PDS5B: variants seen among roughly 807,000 people sequenced by gnomAD.
PDS5B encodes the protein PDS5 cohesin associated factor B.
Under a neutral mutation model 184.1 loss-of-function variants are expected in PDS5B, and 51 were observed. That is an observed-to-expected ratio of 0.28 (90% CI 0.22 to 0.35). The LOEUF (loss-of-function observed/expected upper bound fraction) is 0.35, where lower values mean the gene tolerates loss of function less well. Among genes scored for constraint, PDS5B ranks in the 10% least tolerant of loss-of-function variants. The probability of loss-of-function intolerance (pLI) is 1.00; values close to 1 mark genes in which losing one functional copy is unlikely to be tolerated. For missense variants in PDS5B, 1,180 were observed against 1,723.3 expected (o/e 0.68, Z 5.58); for synonymous variants, 566 against 569.2 (o/e 0.99, Z 0.08).
At chr13:32,696,632 A>G (rs1447286561) in intron 14 of PDS5B, among the ~76,000 whole-genome samples, 1 of 152,136 alleles carries the variant, frequency 6.6e-6, no homozygotes, top group Non-Finnish European at 1.5e-5. Context: ...GGCTAACACA[A>G]CAGGGTGAGG....
chr13:32,686,893 A>G (rs1374497126), intron 11 of PDS5B, among the ~76,000 whole-genome samples: 1 of 152,224 alleles, frequency 6.6e-6, no homozygotes, highest in African/African-American at 2.4e-5. Flanking sequence ...GGTTTAAGAC[A>G]TTAAAGCATT....
chr13:32,754,969 G>T (rs1954122749), intron 25 of PDS5B, among the ~76,000 whole-genome samples: 1 of 152,086 alleles, frequency 6.6e-6, no homozygotes, highest in African/African-American at 2.4e-5. Flanking sequence ...ATATTTGATA[G>T]AATTTAATTT....
At chr13:32,754,950 A>G (rs887822665) in intron 25 of PDS5B, among the ~76,000 whole-genome samples, 1 of 152,194 alleles carries the variant, frequency 6.6e-6, no homozygotes, top group African/African-American at 2.4e-5. Context: ...CATAGTAAAC[A>G]GTCAATAAAT....
chr13:32,700,566 AATATT>A (rs1951836626), intron 16 of PDS5B, among the ~76,000 whole-genome samples: 1 of 152,016 alleles, frequency 6.6e-6, no homozygotes, highest in African/African-American at 2.4e-5. Flanking sequence ...TTGTGTTTAT[AATATT>A]TGCCTAGTTT....
chr13:32,662,796 A>G (rs1250508861), intron 6 of PDS5B, among the ~76,000 whole-genome samples: 1 of 152,170 alleles, frequency 6.6e-6, no homozygotes, highest in African/African-American at 2.4e-5. Context: ...GTGACATTCC[A>G]TCAAAACCCT....
At chr13:32,654,612 G>T (rs1281082631) in intron 3 of PDS5B, among the ~76,000 whole-genome samples, 1 of 151,972 alleles carries the variant, frequency 6.6e-6, no homozygotes, top group Non-Finnish European at 1.5e-5. Flanking sequence ...TGAGGGTTTG[G>T]TGTACAGATT....
At position 32,667,816 on chromosome 13, in the gene PDS5B, C is replaced by A; in HGVS notation, c.677C>A (p.Ala226Asp). 6.3e-7 allele frequency: 1 copy of A among 1,590,268 alleles called. No individual in the cohort carries two copies. The highest frequency in any genetic ancestry group is 8.5e-7 in the Non-Finnish European group (1 of 1,170,106). ...DLAKALLKRT[A>D]QAIEPYITNF... Reference sequence around the variant, plus strand: ...GCAAAGGCTTTACTGAAGAGGACAGCTCAAGCTATTGAGCCATATATTACC... The same window carrying A: ...GCAAAGGCTTTACTGAAGAGGACAGATCAAGCTATTGAGCCATATATTACC... The change falls in exon 7 of 35, where the codon GCT becomes GAT. Residue 226 changes from alanine to aspartate, a missense_variant. Physicochemically the swap from Ala to Asp is moderately radical, Grantham distance 126. Transcript: ENST00000315596.
chr13:32,680,969 T>C (rs1951222293), intron 10 of PDS5B, among the ~76,000 whole-genome samples: 1 of 152,220 alleles, frequency 6.6e-6, no homozygotes, highest in Admixed American at 6.5e-5. Flanking sequence ...CATGGCTAAA[T>C]AGAATTTCTC....
At chr13:32,594,379 A>G (rs2057824356) in intron 1 of PDS5B, among the ~76,000 whole-genome samples, 1 of 152,226 alleles carries the variant, frequency 6.6e-6, no homozygotes, top group Non-Finnish European at 1.5e-5. Flanking sequence ...TGTGGTGCAC[A>G]GTGCTGGCTA....
At chr13:32,641,600 C>T (rs918197165) in intron 1 of PDS5B, among the ~76,000 whole-genome samples, 2 of 151,920 alleles carry the variant, frequency 1.3e-5, no homozygotes, top group African/African-American at 4.8e-5. Context: ...GTAACAATTA[C>T]TCTCATTTTT....
intron 19 of PDS5B, among the ~76,000 whole-genome samples, chr13:32,718,113 A>T (rs1458750111): frequency 6.6e-6 from 1 of 152,078 alleles, no homozygotes; most frequent in Non-Finnish European, 1.5e-5. Flanking sequence ...GGAAAAGGGT[A>T]TACAATAGAT....
chr13:32,770,737 C>T lies in PDS5B; in HGVS notation c.4148C>T (p.Ser1383Leu). ...CGAGGAAGACCATCAAAAACGCCATCACCATCACAACCAAAAAAAAATGTG... is the reference window on the plus strand; with the variant it reads ...CGAGGAAGACCATCAAAAACGCCATTACCATCACAACCAAAAAAAAATGTG... ...KGRGRPSKTP[S>L]PSQPKKNVRV... The change falls in exon 33 of 35, where the codon TCA (serine) becomes TTA (leucine). Residue 1383 changes from serine to leucine, a missense_variant. By Grantham distance (145) the Ser-to-Leu change is moderately radical (BLOSUM62 -2). This residue lies in a region of PDS5B where 465 missense variants were observed against 497.8 expected (regional missense o/e 0.93). Coordinates refer to ENST00000315596, the MANE Select transcript of PDS5B (RefSeq NM_015032.4). The T allele has an allele frequency of 6.2e-7, 1 of 1,607,832 alleles. No individual in the cohort carries two copies.
At chr13:32,646,336 G>A (rs1014424430) in intron 1 of PDS5B, among the ~76,000 whole-genome samples, 6 of 141,438 alleles carry the variant, frequency 4.2e-5, no homozygotes, top group African/African-American at 1.6e-4. Flanking sequence ...CCATATTATT[G>A]TGTGAGGCAA....
intron 3 of PDS5B, among the ~76,000 whole-genome samples, chr13:32,655,493 C>T (rs1281019920): frequency 3.3e-5 from 5 of 149,762 alleles, no homozygotes; most frequent in African/African-American, 1.2e-4. Context: ...ATTCTCCTCC[C>T]TCAGCCTCCC....
intron 1 of PDS5B, among the ~76,000 whole-genome samples, chr13:32,625,157 C>T (rs2058352418): frequency 6.6e-6 from 1 of 152,138 alleles, no homozygotes; most frequent in Admixed American, 6.5e-5. Flanking sequence ...CACTCTGTAG[C>T]CCAGGCTGGA....
At chr13:32,755,700 G>A (rs2141003685) in intron 25 of PDS5B, 142 bp from the exon 26 acceptor site, 1 of 511,724 alleles carries the variant, frequency 2.0e-6, no homozygotes, top group Middle Eastern at 5.3e-4. Context: ...AGTCATTGTG[G>A]TGAACTGTTG....
chr13:32,601,951 T>C (rs1025453827), intron 1 of PDS5B, among the ~76,000 whole-genome samples: 4 of 152,232 alleles, frequency 2.6e-5, no homozygotes, highest in African/African-American at 9.6e-5. Flanking sequence ...ATTTTTCTTT[T>C]GAATTTGAAC....
At position 32,776,061 on chromosome 13, in the gene PDS5B, A is replaced by C. The variant is rs1057314826; in HGVS notation, c.*1009A>C. 1 of 154,748 alleles carries C rather than the reference A, an allele frequency of 6.5e-6. No homozygotes were observed. The highest frequency in any genetic ancestry group is 1.9e-4 in the East Asian group (1 of 5,270). The allele number at this position is 154,748 out of a possible 1,614,324, so 9.6% of individuals were successfully genotyped here. ...AGTGTAAAGTTAATCAGAAAGAAAA[A>C]ATTTTATTGATGCAGTGTGTCTTTA... On this transcript the variant is annotated 3_prime_UTR_variant, in exon 35 of 35. Transcript: ENST00000315596.
At chr13:32,719,812 A>C (rs374299775) in intron 19 of PDS5B, among the ~76,000 whole-genome samples, 10 of 136,140 alleles carry the variant, frequency 7.3e-5, no homozygotes, top group Non-Finnish European at 1.3e-4. Context: ...TGTTTGAGAC[A>C]GGGTTTCACT....
Sources: gnomAD v4.1 joint callset for allele counts (sites outside exome capture counted in the v4.1 genomes callset) on GRCh38, gnomAD v4.1.1 for gene constraint, gnomAD v4.1.1 regional missense constraint, MANE v1.5 for transcripts, NCBI Gene and HGNC (gene_info 2026-07-23, HGNC 2026-07-21) for gene names.